The following SS18L1 variants were observed in gnomAD, a reference collection of about 807,000 sequenced individuals.
SS18L1 encodes the protein SS18L1 subunit of BAF chromatin remodeling complex, also known as calcium-responsive transactivator.
A neutral mutation model predicts 70.3 loss-of-function variants in SS18L1; 32 were observed. The observed-to-expected ratio is 0.46, with a 90% confidence interval of 0.34 to 0.61. The LOEUF (loss-of-function observed/expected upper bound fraction) is 0.61, where lower values mean the gene tolerates loss of function less well. SS18L1 is among the 20% of genes least tolerant of loss of function. The probability of loss-of-function intolerance (pLI) is 0.01; values close to 1 mark genes in which losing one functional copy is unlikely to be tolerated. For synonymous variants in SS18L1, 237 were observed against 229.7 expected, an observed-to-expected ratio of 1.03 and a Z score of -0.29; for missense variants, 430 against 542.1, an observed-to-expected ratio of 0.79 and a Z score of 2.05.
Position 62,150,540 on chromosome 20 carries a change from C to T in SS18L1, c.69+6651C>T, listed in dbSNP as rs1176496080. Among the ~76,000 whole-genome samples, 9 of 147,352 alleles carry T rather than the reference C, an allele frequency of 6.1e-5. No individual in the cohort carries two copies. The South Asian group carries it at 1.3e-3, about 21-fold the overall frequency. Reference sequence around the variant, plus strand: ...CAGCCCTGCATGTAGTGGCAGAAGACGGGGAACAATTTCAATGTCTGTCCA... The same window carrying T: ...CAGCCCTGCATGTAGTGGCAGAAGATGGGGAACAATTTCAATGTCTGTCCA... On this transcript the variant is annotated intron_variant, in intron 1 of 10. Coordinates refer to ENST00000331758, the MANE Select transcript of SS18L1 (RefSeq NM_198935.3).
rs1325722471 is a variant in SS18L1, at chr20:62,161,108, C to T, written c.232-328C>T. 4.0e-5 allele frequency among the ~76,000 whole-genome samples: 6 copies of T among 151,442 alleles called. No homozygotes were observed. The highest frequency in any genetic ancestry group is 4.3e-4 in the South Asian group (2 of 4,702). On this transcript the variant is annotated intron_variant, in intron 3 of 10. Coordinates refer to ENST00000331758, the MANE Select transcript of SS18L1 (RefSeq NM_198935.3). The surrounding 1 kb of genome is among the most constrained non-coding windows in gnomAD (Gnocchi z 4.4). ...GCTGGTCACCTGCGCCCGAGGGGGA[C>T]GGGGTGCGTTCAGCCTGGTGGGCCG... is the stretch of plus-strand genomic sequence containing the variant.
rs775023029 is a variant in SS18L1, at chr20:62,172,761, C to T, written c.996C>T (p.Tyr332=). ...AQQQTYSQQQ[Y]PSQQSYPGQQ... ...AGCAGACGTACTCCCAGCAGCAGTACCCCAGCCAGCAGAGCTACCCCGGGC... is the reference window on the plus strand; with the variant it reads ...AGCAGACGTACTCCCAGCAGCAGTATCCCAGCCAGCAGAGCTACCCCGGGC... The change falls in exon 9 of 11, where the codon TAC becomes TAT. Residue 332 remains tyrosine, a synonymous_variant. Coordinates refer to ENST00000331758, the MANE Select transcript of SS18L1 (RefSeq NM_198935.3). 5 of 1,613,942 alleles carry T rather than the reference C, an allele frequency of 3.1e-6. No homozygotes were observed. Among genetic ancestry groups the T allele is most frequent in the Non-Finnish European group, 4.2e-6 (5 of 1,180,038 alleles).
At position 62,158,838 on chromosome 20, in the gene SS18L1, C is replaced by G. The variant is rs755592382; in HGVS notation, c.146+90C>G. On this transcript the variant is annotated intron_variant, in intron 2 of 10. Coordinates refer to ENST00000331758, the MANE Select transcript of SS18L1 (RefSeq NM_198935.3). This position sits in a 1 kb window ranked among gnomAD's most constrained non-coding sequence, Gnocchi z 4.5. ...GATACGTCCCAAGAGTCCCCCAGCA[C>G]AGAGATCAGATAAGTCCCAGGAGTC... 3 of 1,611,066 alleles carry G rather than the reference C, an allele frequency of 1.9e-6. No individual in the cohort carries two copies. Among genetic ancestry groups the G allele is most frequent in the Non-Finnish European group, 1.7e-6 (2 of 1,179,038 alleles).
At chr20:62,151,859 C>T (rs1019838369) in intron 1 of SS18L1, among the ~76,000 whole-genome samples, 31 of 143,226 alleles carry the variant, frequency 2.2e-4, no homozygotes, top group Middle Eastern at 3.4e-3. Context: ...CCTCTTTTCC[C>T]GCTCCCCAGA....
intron 1 of SS18L1, among the ~76,000 whole-genome samples, chr20:62,151,577 G>A (rs987228838): frequency 3.3e-5 from 5 of 152,138 alleles, no homozygotes; most frequent in African/African-American, 7.2e-5. Context: ...CCCCAGCCAC[G>A]AGCCCAGCCA....
In SS18L1 at chr20:62,174,284, C is replaced by T. The variant is rs1345237582; in HGVS notation, c.1037-233C>T. Among the ~76,000 whole-genome samples, 1 of 151,986 alleles carries T rather than the reference C, an allele frequency of 6.6e-6. No individual in the cohort carries two copies. Among genetic ancestry groups the T allele is most frequent in the Non-Finnish European group, 1.5e-5 (1 of 67,994 alleles). ...GGGGGCCTGGGGCACAGTCCTGGGA[C>T]CTCACAGGACTGGAGGGGCTGGTGA... On this transcript the variant is annotated intron_variant, in intron 9 of 10. Transcript: ENST00000331758. The surrounding 1 kb of genome is among the most constrained non-coding windows in gnomAD (Gnocchi z 4.1).
intron 3 of SS18L1, among the ~76,000 whole-genome samples, chr20:62,160,336 GTGGGGAGAGGTGGAGAGAGGTGGGA>G (rs2057303811): frequency 1.2e-5 from 1 of 81,800 alleles, no homozygotes; most frequent in East Asian, 3.9e-4. Context: ...GAGAGGTGGG[GTGGGGAGAGGTGGAGAGAGGTGGGA>G]TGGGGAGAGG....
rs2057679845 is a variant in SS18L1, at chr20:62,179,712, G to A, written c.*504G>A. On this transcript the variant is annotated 3_prime_UTR_variant, in exon 11 of 11. Coordinates refer to ENST00000331758, the MANE Select transcript of SS18L1 (RefSeq NM_198935.3). Reference sequence around the variant, plus strand: ...GGAGGGCAGCCTCTTCCTGTGCCTCGATGGGGTGGGTGGGAGGGCATCTTC... The same window carrying A: ...GGAGGGCAGCCTCTTCCTGTGCCTCAATGGGGTGGGTGGGAGGGCATCTTC... The A allele has an allele frequency of 4.5e-6, 1 of 220,824 alleles. No homozygotes were observed. 13.7% of individuals were successfully genotyped at this position (220,824 alleles called of 1,614,324 possible).
At chr20:62,156,208 C>A (rs776642996) in intron 1 of SS18L1, among the ~76,000 whole-genome samples, 2 of 152,184 alleles carry the variant, frequency 1.3e-5, no homozygotes, top group Non-Finnish European at 2.9e-5. Flanking sequence ...GTGTCTAGTT[C>A]GTGTCCCTGG....
In SS18L1 at chr20:62,181,375, C is replaced by T. The variant is rs2057706045; in HGVS notation, c.*2167C>T. The stretch of plus-strand genomic sequence containing the variant: ...CATAGACCTAATTTGCAAACTCAAT[C>T]GGGGACTAAAATTTCCCACTGAAAA... On this transcript the variant is annotated 3_prime_UTR_variant, in exon 11 of 11. Transcript: ENST00000331758. 4.8e-6 allele frequency: 1 copy of T among 207,440 alleles called. No individual in the cohort carries two copies. The highest frequency in any genetic ancestry group is 9.8e-6 in the Non-Finnish European group (1 of 101,540). The allele number at this position is 207,440 out of a possible 1,614,324, so 12.8% of individuals were successfully genotyped here. A position where few individuals can be genotyped will look rare whatever the true frequency, so the allele number is the denominator to read the frequency against.
Position 62,163,054 on chromosome 20 carries a change from C to T in SS18L1, c.556+123C>T, listed in dbSNP as rs575385173. 4.2e-3 allele frequency: 5,643 copies of T among 1,334,950 alleles called. 15 individuals are homozygous for T. The highest frequency in any genetic ancestry group is 5.3e-3 in the Non-Finnish European group (5,148 of 974,762). 82.7% of individuals were successfully genotyped at this position (1,334,950 alleles called of 1,614,324 possible). ...CCTGCTGGGTGCTGGAGGGGAGGGG[C>T]CCGTGAATCGGGGCTGGCCGCTGCC... On this transcript the variant is annotated intron_variant, in intron 5 of 10. Coordinates refer to ENST00000331758, the MANE Select transcript of SS18L1 (RefSeq NM_198935.3).
intron 6 of SS18L1, among the ~76,000 whole-genome samples, 185 bp downstream of exon 6, chr20:62,163,807 G>A (rs1224801475): frequency 1.3e-5 from 2 of 152,010 alleles, no homozygotes; most frequent in African/African-American, 2.4e-5. Flanking sequence ...GGTGTGGCCC[G>A]TGGAGGGTCT....
At chr20:62,166,512 G>A (rs2057434085) in intron 8 of SS18L1, among the ~76,000 whole-genome samples, 1 of 152,230 alleles carries the variant, frequency 6.6e-6, no homozygotes, top group Non-Finnish European at 1.5e-5. Flanking sequence ...GCACGCAAGT[G>A]TAGGCACATA....
At position 62,176,206 on chromosome 20, in the gene SS18L1, T is replaced by C. The variant is rs751500716; in HGVS notation, c.1164+1562T>C. ...TTATAAGACTGAACCAGAGGACATA[T>C]AACTTTATACCTACCTATGAAAAGA... On this transcript the variant is annotated intron_variant, in intron 10 of 10. Transcript: ENST00000331758. 2.6e-5 allele frequency among the ~76,000 whole-genome samples: 4 copies of C among 152,392 alleles called. No homozygotes were observed. The South Asian group carries it at 8.3e-4, about 32-fold the overall frequency.
rs1308446189 is a variant in SS18L1, at chr20:62,174,446, T to G, written c.1037-71T>G. ...GAGAAGAGGAAGTTTTAAAAAAAAT[T>G]TTTAAGTTAAGAAAAAAAAAGAAAG... On this transcript the variant is annotated intron_variant, in intron 9 of 10. Coordinates refer to ENST00000331758, the MANE Select transcript of SS18L1 (RefSeq NM_198935.3). The surrounding 1 kb of genome is among the most constrained non-coding windows in gnomAD (Gnocchi z 4.1). The G allele has an allele frequency of 1.3e-6, 2 of 1,543,940 alleles. No individual in the cohort carries two copies. Among genetic ancestry groups the G allele is most frequent in the African/African-American group, 1.4e-5 (1 of 71,618 alleles).
rs1232533354 is a variant in SS18L1 at position 62,174,897 on chromosome 20, T to C, written c.1164+253T>C. 2 of 985,358 alleles carry C rather than the reference T, an allele frequency of 2.0e-6. No homozygotes were observed. Among genetic ancestry groups the C allele is most frequent in the African/African-American group, 1.7e-5 (1 of 57,262 alleles). The allele number at this position is 985,358 out of a possible 1,614,324, so 61.0% of individuals were successfully genotyped here. On this transcript the variant is annotated intron_variant, in intron 10 of 10. Transcript: ENST00000331758. This position sits in a 1 kb window ranked among gnomAD's most constrained non-coding sequence, Gnocchi z 4.1. ...TCTGCACGCCTGGTTCTCACATTCA[T>C]TCACTCTGCCAGTGTTTGTCACGTA...
At chr20:62,173,325 G>A (rs2057565344) in intron 9 of SS18L1, among the ~76,000 whole-genome samples, 1 of 150,890 alleles carries the variant, frequency 6.6e-6, no homozygotes, top group Admixed American at 6.6e-5. Flanking sequence ...TTCTCAGGAT[G>A]AGCTCCACAC....
chr20:62,161,691 G>C lies in SS18L1; in HGVS notation c.376+111G>C. The C allele has an allele frequency of 7.0e-7, 1 of 1,434,894 alleles. No homozygotes were observed. Among genetic ancestry groups the C allele is most frequent in the Non-Finnish European group, 9.3e-7 (1 of 1,080,852 alleles). 88.9% of individuals were successfully genotyped at this position (1,434,894 alleles called of 1,614,324 possible). ...CCACCCCTCACAGGGCTGGGCATGG[G>C]ACCCACTCCTCCTGGGGTAGCCACA... On this transcript the variant is annotated intron_variant, in intron 4 of 10. Coordinates refer to ENST00000331758, the MANE Select transcript of SS18L1 (RefSeq NM_198935.3). The surrounding 1 kb of genome is among the most constrained non-coding windows in gnomAD (Gnocchi z 4.4).
At chr20:62,156,980 C>A (rs73137262) in intron 1 of SS18L1, among the ~76,000 whole-genome samples, 4,456 of 152,352 alleles carry the variant, frequency 0.029, 97 homozygotes, top group Non-Finnish European at 0.042. Context: ...TCTGTGCCTC[C>A]CTGCAGACAG....
Sources: gnomAD v4.1 joint callset for allele counts (sites outside exome capture counted in the v4.1 genomes callset) on GRCh38, gnomAD v4.1.1 for gene constraint, Gnocchi (gnomAD v3.1) non-coding constraint, MANE v1.5 for transcripts, NCBI Gene and HGNC (gene_info 2026-07-23, HGNC 2026-07-21) for gene names.